KCNIP1: variants seen among roughly 807,000 people sequenced by gnomAD.
KCNIP1 encodes the protein A-type potassium channel modulatory protein KCNIP1.
A neutral mutation model predicts 33.0 loss-of-function variants in KCNIP1; 18 were observed. The observed-to-expected ratio is 0.55, with a 90% confidence interval of 0.38 to 0.81. The LOEUF (loss-of-function observed/expected upper bound fraction) is 0.81, where lower values mean the gene tolerates loss of function less well. KCNIP1 is among the 30% of genes least tolerant of loss of function. The probability of loss-of-function intolerance (pLI) is 0.00; values close to 1 mark genes in which losing one functional copy is unlikely to be tolerated. For synonymous variants in KCNIP1, 93 were observed against 98.3 expected (o/e 0.95, Z 0.32); for missense variants, 238 against 271.6 (o/e 0.88, Z 0.87).
intron 1 of KCNIP1, among the ~76,000 whole-genome samples, chr5:170,643,302 A>C (rs537051981): frequency 1.3e-5 from 2 of 152,376 alleles, no homozygotes; most frequent in African/African-American, 4.8e-5. Context: ...AGCCCAGTGC[A>C]ACTGACTCCA....
intron 1 of KCNIP1, among the ~76,000 whole-genome samples, chr5:170,676,748 T>G (rs962743529): frequency 1.3e-5 from 2 of 152,208 alleles, no homozygotes; most frequent in African/African-American, 4.8e-5. Context: ...GCTCCGATCT[T>G]GTGGGTCATT....
chr5:170,640,218 A>T (rs1346332070), intron 1 of KCNIP1, among the ~76,000 whole-genome samples: 1 of 152,210 alleles, frequency 6.6e-6, no homozygotes, highest in Non-Finnish European at 1.5e-5. Context: ...TGCTGTGAAT[A>T]TTGTTCCCAA....
intron 1 of KCNIP1, among the ~76,000 whole-genome samples, chr5:170,664,469 C>G (rs1340047943): frequency 6.6e-6 from 1 of 152,144 alleles, no homozygotes; most frequent in Non-Finnish European, 1.5e-5. Flanking sequence ...GGGTCCCATT[C>G]GTTTCTGTAC....
chr5:170,548,874 C>T (rs1418747163), intron 1 of KCNIP1, among the ~76,000 whole-genome samples: 6 of 152,146 alleles, frequency 3.9e-5, no homozygotes, highest in Non-Finnish European at 8.8e-5. Context: ...TCACTAGCAC[C>T]CTGCTTTCGG....
chr5:170,380,584 G>A (rs1764200567), intron 1 of KCNIP1, among the ~76,000 whole-genome samples: 1 of 152,248 alleles, frequency 6.6e-6, no homozygotes, highest in Admixed American at 6.5e-5. Context: ...GCTGCACTCA[G>A]ATCTAGGGCC....
chr5:170,473,966 G>A (rs906173961), intron 1 of KCNIP1, among the ~76,000 whole-genome samples: 2 of 152,166 alleles, frequency 1.3e-5, no homozygotes, highest in Admixed American at 6.5e-5. Flanking sequence ...ATTAGACTGC[G>A]TTGGGCGTCA....
chr5:170,400,723 G>T (rs1754882341), intron 1 of KCNIP1, among the ~76,000 whole-genome samples: 1 of 152,196 alleles, frequency 6.6e-6, no homozygotes, highest in Non-Finnish European at 1.5e-5. Flanking sequence ...TGGAAACACA[G>T]CATTTCTTGT....
chr5:170,671,244 G>T (rs143387180), intron 1 of KCNIP1, among the ~76,000 whole-genome samples: 169 of 152,254 alleles, frequency 1.1e-3, no homozygotes, highest in African/African-American at 3.9e-3. Flanking sequence ...CATGGCCCCT[G>T]GGTGCCTCCC....
intron 1 of KCNIP1, among the ~76,000 whole-genome samples, chr5:170,692,422 C>T (rs1329163631): frequency 3.3e-5 from 5 of 152,220 alleles, no homozygotes; most frequent in Non-Finnish European, 7.3e-5. Flanking sequence ...GAAATAATAG[C>T]TTCCATCTCT....
intron 1 of KCNIP1, among the ~76,000 whole-genome samples, chr5:170,683,014 T>C (rs1262113931): frequency 1.3e-5 from 2 of 152,170 alleles, no homozygotes; most frequent in Non-Finnish European, 2.9e-5. Context: ...TCCATCTTCC[T>C]TCCCCTGCTT....
At chr5:170,664,617 A>G (rs1171062959) in intron 1 of KCNIP1, among the ~76,000 whole-genome samples, 3 of 152,156 alleles carry the variant, frequency 2.0e-5, no homozygotes, top group Non-Finnish European at 2.9e-5. Flanking sequence ...GGCCCTCTGC[A>G]TTCTTCTATT....
At chr5:170,569,858 C>T (rs745580642) in intron 1 of KCNIP1, among the ~76,000 whole-genome samples, 1 of 152,050 alleles carries the variant, frequency 6.6e-6, no homozygotes, top group South Asian at 2.1e-4. Flanking sequence ...CCCTCAGTGA[C>T]GTTCTAGCAG....
chr5:170,530,277 C>A (rs1755739386), intron 1 of KCNIP1, among the ~76,000 whole-genome samples: 1 of 152,262 alleles, frequency 6.6e-6, no homozygotes, highest in Non-Finnish European at 1.5e-5. Flanking sequence ...TGGTAATGAT[C>A]TGATAGCTAA....
chr5:170,585,984 C>T (rs988743353), intron 1 of KCNIP1, among the ~76,000 whole-genome samples: 3 of 152,166 alleles, frequency 2.0e-5, no homozygotes, highest in Non-Finnish European at 2.9e-5. Flanking sequence ...GTTGATCGCA[C>T]AGCCTTTGGG....
chr5:170,407,696 G>A (rs954180199), intron 1 of KCNIP1, among the ~76,000 whole-genome samples: 14 of 152,148 alleles, frequency 9.2e-5, no homozygotes, highest in African/African-American at 3.4e-4. Context: ...TGCTAGTCTT[G>A]ACTTCCAACC....
intron 1 of KCNIP1, among the ~76,000 whole-genome samples, chr5:170,682,192 C>T (rs900669793): frequency 7.9e-5 from 12 of 152,116 alleles, no homozygotes; most frequent in African/African-American, 2.9e-4. Context: ...GAGTAAGAGT[C>T]AAGAAATCCA....
chr5:170,453,125 C>T (rs1387191971), intron 1 of KCNIP1, among the ~76,000 whole-genome samples: 1 of 152,228 alleles, frequency 6.6e-6, no homozygotes, highest in Non-Finnish European at 1.5e-5. Flanking sequence ...GTCTTCTAAT[C>T]ACATTCCTCT....
chr5:170,394,410 C>G (rs1276538800), intron 1 of KCNIP1, among the ~76,000 whole-genome samples: 1 of 152,188 alleles, frequency 6.6e-6, no homozygotes. Flanking sequence ...ACTGCCGCAT[C>G]TCTAGCGCCA....
At chr5:170,469,117 C>T (rs1278625312) in intron 1 of KCNIP1, among the ~76,000 whole-genome samples, 3 of 152,036 alleles carry the variant, frequency 2.0e-5, no homozygotes, top group South Asian at 2.1e-4. Context: ...TAACTTGAGC[C>T]GGGTGTGGTG....
Sources: gnomAD v4.1 joint callset for allele counts (sites outside exome capture counted in the v4.1 genomes callset) on GRCh38, gnomAD v4.1.1 for gene constraint, MANE v1.5 for transcripts, NCBI Gene and HGNC (gene_info 2026-07-23, HGNC 2026-07-21) for gene names.